EXOC6B: variants seen among roughly 807,000 people sequenced by gnomAD.
EXOC6B encodes the protein SEC15 homolog B.
In EXOC6B, 54 loss-of-function variants were observed where a neutral mutation model predicts 113.5. The observed-to-expected ratio is 0.48, with a 90% confidence interval of 0.38 to 0.60. EXOC6B has a LOEUF of 0.60. Ranked by LOEUF, EXOC6B falls within the 20% of genes least tolerant of loss-of-function variation. The pLI is 0.00. For synonymous variants in EXOC6B, 357 were observed against 339.0 expected (o/e 1.05, Z -0.58); for missense variants, 797 against 977.5 (o/e 0.82, Z 2.46).
intron 1 of EXOC6B, among the ~76,000 whole-genome samples, chr2:72,787,645 G>A (rs1684450962): frequency 6.6e-6 from 1 of 151,954 alleles, no homozygotes; most frequent in African/African-American, 2.4e-5. Flanking sequence ...AGAAATTACT[G>A]GTCTAATTTC....
At chr2:72,813,151 A>T (rs1165159564) in intron 1 of EXOC6B, among the ~76,000 whole-genome samples, 2 of 152,214 alleles carry the variant, frequency 1.3e-5, no homozygotes, top group Non-Finnish European at 2.9e-5. Context: ...GTACAGTGGC[A>T]TGACATTGGC....
intron 18 of EXOC6B, among the ~76,000 whole-genome samples, chr2:72,434,828 C>G (rs1158410924): frequency 6.6e-6 from 1 of 151,976 alleles, no homozygotes; most frequent in Non-Finnish European, 1.5e-5. Context: ...AGCAGTTTAT[C>G]TATTTTGTTA....
At chr2:72,269,110 C>T (rs1573136617) in intron 20 of EXOC6B, among the ~76,000 whole-genome samples, 1 of 152,024 alleles carries the variant, frequency 6.6e-6, no homozygotes, top group African/African-American at 2.4e-5. Flanking sequence ...ACAATGTGTT[C>T]CTTCTTTTAT....
intron 6 of EXOC6B, among the ~76,000 whole-genome samples, chr2:72,711,030 T>A (rs2104688790): frequency 6.6e-6 from 1 of 152,342 alleles, no homozygotes; most frequent in East Asian, 1.9e-4. Flanking sequence ...TTACAAATGT[T>A]ATTTAGTCCC....
chr2:72,779,453 T>C (rs1354675671), intron 1 of EXOC6B, among the ~76,000 whole-genome samples: 1 of 152,080 alleles, frequency 6.6e-6, no homozygotes, highest in Non-Finnish European at 1.5e-5. Flanking sequence ...ATAGAAAACA[T>C]GTTCAAAATG....
At chr2:72,679,291 C>T (rs1676527325) in intron 6 of EXOC6B, among the ~76,000 whole-genome samples, 1 of 152,162 alleles carries the variant, frequency 6.6e-6, no homozygotes, top group Non-Finnish European at 1.5e-5. Context: ...TGGTCTTGAA[C>T]TCCTGACCTC....
intron 20 of EXOC6B, among the ~76,000 whole-genome samples, chr2:72,228,522 G>A (rs1377213012): frequency 6.6e-6 from 1 of 151,454 alleles, no homozygotes; most frequent in African/African-American, 2.4e-5. Flanking sequence ...GCGGTGTTTG[G>A]TTTTTTCCTT....
chr2:72,782,937 G>T (rs1684145607), intron 1 of EXOC6B, among the ~76,000 whole-genome samples: 1 of 152,166 alleles, frequency 6.6e-6, no homozygotes, highest in Non-Finnish European at 1.5e-5. Context: ...TATGCACTTA[G>T]GTTGATTCTG....
intron 18 of EXOC6B, among the ~76,000 whole-genome samples, chr2:72,423,721 C>T (rs1558653705): frequency 1.3e-5 from 2 of 152,020 alleles, no homozygotes; most frequent in Admixed American, 1.3e-4. Context: ...ATGCATGCAC[C>T]CGTGTGTGTG....
intron 17 of EXOC6B, among the ~76,000 whole-genome samples, chr2:72,480,060 C>T (rs775488303): frequency 6.6e-6 from 1 of 151,788 alleles, no homozygotes; most frequent in Non-Finnish European, 1.5e-5. Flanking sequence ...AAAAATTAGC[C>T]GGGCATGGTG....
At chr2:72,185,724 G>A (rs930663555) in intron 20 of EXOC6B, among the ~76,000 whole-genome samples, 3 of 148,136 alleles carry the variant, frequency 2.0e-5, no homozygotes, top group Non-Finnish European at 4.4e-5. Flanking sequence ...TTCTACTCTA[G>A]TATCAGTATT....
intron 20 of EXOC6B, among the ~76,000 whole-genome samples, chr2:72,294,395 T>C (rs917637058): frequency 2.0e-5 from 3 of 152,126 alleles, no homozygotes; most frequent in African/African-American, 7.2e-5. Flanking sequence ...CTCTATAATT[T>C]TGACCAATGA....
At chr2:72,311,989 T>C (rs1468706149) in intron 20 of EXOC6B, among the ~76,000 whole-genome samples, 3 of 152,250 alleles carry the variant, frequency 2.0e-5, no homozygotes, top group Non-Finnish European at 4.4e-5. Context: ...TTTTACTTCC[T>C]GGTCTTGTCA....
intron 20 of EXOC6B, among the ~76,000 whole-genome samples, chr2:72,289,925 C>T (rs1685681545): frequency 6.6e-6 from 1 of 152,142 alleles, no homozygotes. Flanking sequence ...TGTGGATGGG[C>T]CTCACCTAAT....
chr2:72,507,307 C>A (rs1293273592), intron 11 of EXOC6B, among the ~76,000 whole-genome samples: 5 of 151,938 alleles, frequency 3.3e-5, no homozygotes, highest in African/African-American at 1.2e-4. Flanking sequence ...TTTGTGGTAC[C>A]AACACTCTGT....
Position 72,659,800 on chromosome 2 carries a change from T to C in EXOC6B, c.669+58303A>G, listed in dbSNP as rs137893406. On this transcript the variant is annotated intron_variant, in intron 6 of 21. Transcript: ENST00000272427. ...ACCCAAAATCCCACTTAGCTCTGTA[T>C]TGTAAACAGTATAGTATTTCACTAC... 1.2e-3 allele frequency among the ~76,000 whole-genome samples: 180 copies of C among 152,328 alleles called. 1 individual carries two copies. The highest frequency in any genetic ancestry group is 4.1e-3 in the African/African-American group (172 of 41,594).
intron 18 of EXOC6B, among the ~76,000 whole-genome samples, chr2:72,384,756 T>C (rs1229673045): frequency 1.3e-5 from 2 of 151,836 alleles, no homozygotes; most frequent in Non-Finnish European, 2.9e-5. Context: ...AAGCAAAAAA[T>C]GTCACTTACA....
At chr2:72,227,017 C>T (rs7600833) in intron 20 of EXOC6B, among the ~76,000 whole-genome samples, 13,403 of 152,068 alleles carry the variant, frequency 0.088, 1,516 homozygotes, top group African/African-American at 0.26. Context: ...GCATTCCATA[C>T]ATTCATAGCT....
chr2:72,179,105 T>C lies in EXOC6B; in HGVS notation c.*230A>G, dbSNP rs1677921530. ...ACCATCTCTAAGATAACACAGATAG[T>C]GTAGTAATAACTTCCCCTGAGTCCC... On this transcript the variant is annotated 3_prime_UTR_variant, in exon 22 of 22. Coordinates refer to ENST00000272427, the MANE Select transcript of EXOC6B (RefSeq NM_015189.3). 3 of 496,214 alleles carry C rather than the reference T, an allele frequency of 6.0e-6. No individual in the cohort carries two copies. Among genetic ancestry groups the C allele is most frequent in the Non-Finnish European group, 1.1e-5 (3 of 285,476 alleles). 30.7% of individuals were successfully genotyped at this position (496,214 alleles called of 1,614,324 possible).
Sources: allele counts gnomAD v4.1 joint callset (sites outside exome capture counted in the v4.1 genomes callset), GRCh38; gene constraint gnomAD v4.1.1; transcripts MANE v1.5; gene names NCBI Gene and HGNC (gene_info 2026-07-23, HGNC 2026-07-21).